The following POPDC3 variants were observed in gnomAD, a reference collection of about 807,000 sequenced individuals.
The protein encoded by POPDC3 is popeye domain cAMP effector 3.
Under a neutral mutation model 28.2 loss-of-function variants are expected in POPDC3, and 20 were observed. The ratio of observed to expected loss-of-function variants is 0.71; its 90% CI spans 0.50 to 1.03. The LOEUF (loss-of-function observed/expected upper bound fraction) is 1.03, where lower values mean the gene tolerates loss of function less well. Ranked by LOEUF, POPDC3 falls within the 50% of genes least tolerant of loss-of-function variation. The pLI is 0.00. For synonymous variants in POPDC3, 118 were observed against 124.1 expected, an observed-to-expected ratio of 0.95 and a Z score of 0.33; for missense variants, 316 against 345.9, an observed-to-expected ratio of 0.91 and a Z score of 0.69.
chr6:105,175,262 G>T (rs1035460875), intron 1 of POPDC3, among the ~76,000 whole-genome samples: 1 of 152,018 alleles, frequency 6.6e-6, no homozygotes, highest in Admixed American at 6.6e-5. Context: ...ATTGGGGCTG[G>T]GTATAGTGGC....
intron 1 of POPDC3, 78 bp from the exon 2 acceptor site, chr6:105,162,238 A>T: frequency 1.2e-6 from 1 of 837,512 alleles, no homozygotes; most frequent in Admixed American, 5.2e-5. Flanking sequence ...GATCAGCAGC[A>T]TTACTTAGCA....
chr6:105,170,377 C>T (rs1234774105), intron 1 of POPDC3, among the ~76,000 whole-genome samples: 1 of 152,152 alleles, frequency 6.6e-6, no homozygotes, highest in East Asian at 1.9e-4. Context: ...CTCTAAGTGA[C>T]CTATATGCAG....
At chr6:105,165,024 G>A (rs1041662054) in intron 1 of POPDC3, among the ~76,000 whole-genome samples, 2 of 152,214 alleles carry the variant, frequency 1.3e-5, no homozygotes, top group African/African-American at 4.8e-5. Context: ...CCACGAGGGA[G>A]GCAGAATCTA....
chr6:105,159,825 A>G lies in POPDC3; in HGVS notation c.486-6T>C, dbSNP rs1478322852. 3 of 1,590,562 alleles carry G rather than the reference A, an allele frequency of 1.9e-6. No homozygotes were observed. The highest frequency in any genetic ancestry group is 1.7e-4 in the Middle Eastern group (1 of 6,008). ...CATCAACTGTCACTCTGATCCTATC[A>G]AAACACAAGAACAACATTTATAAGG... On this transcript the variant is annotated splice_region_variant and splice_polypyrimidine_tract_variant and intron_variant, in intron 2 of 3. Transcript: ENST00000254765.
intron 1 of POPDC3, chr6:105,178,681 T>G (rs145856966): frequency 2.1e-6 from 2 of 972,850 alleles, no homozygotes; most frequent in Admixed American, 1.2e-4. Flanking sequence ...TTTGCGAATA[T>G]GGAAACTGAG....
At position 105,158,633 on chromosome 6, in the gene POPDC3, T is replaced by C; in HGVS notation, c.713A>G (p.Asp238Gly). The change falls in exon 4 of 4, where the codon GAC (aspartate) becomes GGC (glycine). Residue 238 changes from aspartate to glycine, a missense_variant. Transcript: ENST00000254765. ...SRLFSVLIGS[D>G]IADKLYALND... is the part of the protein sequence containing the mutation. The stretch of plus-strand genomic sequence containing the variant: ...CAAGGCATAGAGTTTATCTGCAATG[T>C]CACTGCCAATTAGCACTGAAAAAAG... 1 of 1,614,172 alleles carries C rather than the reference T, an allele frequency of 6.2e-7. No homozygotes were observed.
intron 1 of POPDC3, among the ~76,000 whole-genome samples, chr6:105,179,416 C>G (rs1175384687): frequency 1.3e-5 from 2 of 152,130 alleles, no homozygotes. Context: ...CTAGGAACGG[C>G]TTTTCTCCCT....
At position 105,172,131 on chromosome 6, in the gene POPDC3, C is replaced by T. The variant is rs1774588557; in HGVS notation, c.-252+7702G>A. On this transcript the variant is annotated intron_variant, in intron 1 of 3. Transcript: ENST00000254765. ...TGGGAGAAAATTTTTGCAATCTACT[C>T]ATCTGACAAAGGGCTAATACCCAGA... Among the ~76,000 whole-genome samples, 4 of 150,146 alleles carry T rather than the reference C, an allele frequency of 2.7e-5. No individual in the cohort carries two copies. The South Asian group carries it at 6.3e-4, about 24-fold the overall frequency.
Position 105,174,600 on chromosome 6 carries a change from A to G in POPDC3, c.-252+5233T>C, listed in dbSNP as rs566636288. On this transcript the variant is annotated intron_variant, in intron 1 of 3. Transcript: ENST00000254765. ...TGTTTACTTGGGTGTAACCACACCG[A>G]AAGTTGAGCATACTGACTGTGTATT... is the stretch of plus-strand genomic sequence containing the variant. Among the ~76,000 whole-genome samples the G allele has an allele frequency of 1.0e-3, 153 of 152,334 alleles. 1 individual carries two copies. Among genetic ancestry groups the G allele is most frequent in the African/African-American group, 3.5e-3 (145 of 41,578 alleles).
chr6:105,163,147 A>C (rs1317230522), intron 1 of POPDC3, among the ~76,000 whole-genome samples: 2 of 152,226 alleles, frequency 1.3e-5, no homozygotes, highest in Admixed American at 1.3e-4. Context: ...ATATTTAATA[A>C]ATTAGATTGA....
At chr6:105,166,786 T>C in intron 1 of POPDC3, 1 of 335,802 alleles carries the variant, frequency 3.0e-6, no homozygotes, top group Non-Finnish European at 6.2e-6. Context: ...TATGTATATT[T>C]TTCCTTTTTA....
intron 1 of POPDC3, among the ~76,000 whole-genome samples, chr6:105,178,061 C>G (rs1774713124): frequency 6.6e-6 from 1 of 152,218 alleles, no homozygotes; most frequent in South Asian, 2.1e-4. Flanking sequence ...TCGATATACT[C>G]TTCTATTAAT....
At chr6:105,162,220 T>C in intron 1 of POPDC3, 60 bp from the exon 2 acceptor site, 1 of 996,862 alleles carries the variant, frequency 1.0e-6, no homozygotes, top group Non-Finnish European at 1.2e-6. Flanking sequence ...TTGTGGGGTA[T>C]ATTTAATGAT....
chr6:105,174,406 G>A (rs939746374), intron 1 of POPDC3, among the ~76,000 whole-genome samples: 2 of 152,196 alleles, frequency 1.3e-5, no homozygotes, highest in African/African-American at 4.8e-5. Context: ...ATGGAGCGAA[G>A]GCTATATAAT....
chr6:105,164,636 G>T (rs539100516), intron 1 of POPDC3, among the ~76,000 whole-genome samples: 3 of 152,306 alleles, frequency 2.0e-5, no homozygotes, highest in Admixed American at 2.0e-4. Flanking sequence ...CTATATGAAT[G>T]TCCAACATGA....
chr6:105,179,279 C>A, intron 1 of POPDC3: 1 of 983,990 alleles, frequency 1.0e-6, no homozygotes, highest in Non-Finnish European at 1.2e-6. Flanking sequence ...TTTGTACCCC[C>A]AACTCTGTGA....
rs1272638465 is a variant in POPDC3, at chr6:105,161,950, A to G, written c.-41T>C. 6.5e-7 allele frequency: 1 copy of G among 1,546,566 alleles called. No homozygotes were observed. The highest frequency in any genetic ancestry group is 2.0e-5 in the Admixed American group (1 of 49,138). On this transcript the variant is annotated 5_prime_UTR_variant, in exon 2 of 4. Transcript: ENST00000254765. ...TGCTTCACTTTTCAGTTGACTTTAG[A>G]TGACACTGAAACAGGTAACTAAGTC...
intron 1 of POPDC3, among the ~76,000 whole-genome samples, chr6:105,174,607 A>G (rs1774647567): frequency 1.3e-5 from 2 of 152,328 alleles, no homozygotes; most frequent in South Asian, 4.1e-4. Context: ...CCGAAAGTTG[A>G]GCATACTGAC....
At chr6:105,173,079 C>A (rs1175373073) in intron 1 of POPDC3, among the ~76,000 whole-genome samples, 1 of 152,166 alleles carries the variant, frequency 6.6e-6, no homozygotes, top group Non-Finnish European at 1.5e-5. Flanking sequence ...AGAAATGCTA[C>A]ATTTTAAAAC....
Sources: gnomAD v4.1 joint callset for allele counts (sites outside exome capture counted in the v4.1 genomes callset) on GRCh38, gnomAD v4.1.1 for gene constraint, MANE v1.5 for transcripts, NCBI Gene and HGNC (gene_info 2026-07-23, HGNC 2026-07-21) for gene names.